The following DNAJC11 variants were observed in gnomAD, a reference collection of about 807,000 sequenced individuals.
The protein encoded by DNAJC11 is dnaJ homolog subfamily C member 11.
DNAJC11 carries 15 observed loss-of-function variants against 78.6 expected under a neutral mutation model. That is an observed-to-expected ratio of 0.19 (90% CI 0.13 to 0.29). The LOEUF is 0.29. DNAJC11 is among the 10% of genes least tolerant of loss of function. DNAJC11 has a pLI of 1.00. For synonymous variants in DNAJC11, 292 were observed against 272.1 expected (o/e 1.07, Z -0.72); for missense variants, 547 against 709.6 (o/e 0.77, Z 2.60).
chr1:6,637,161 G>GT (rs774661785), intron 14 of DNAJC11, 37 bp downstream of exon 14: 1 of 1,612,986 alleles, frequency 6.2e-7, no homozygotes, highest in South Asian at 1.1e-5. Context: ...GTTCAAATCT[G>GT]TGAGCACATA....
At chr1:6,694,073 T>C (rs1247193703) in intron 1 of DNAJC11, among the ~76,000 whole-genome samples, 1 of 151,960 alleles carries the variant, frequency 6.6e-6, no homozygotes, top group African/African-American at 2.4e-5. Flanking sequence ...TGACCTCAAG[T>C]GATCCGCTGG....
intron 4 of DNAJC11, among the ~76,000 whole-genome samples, chr1:6,658,175 G>A (rs947582325): frequency 1.3e-5 from 2 of 152,118 alleles, no homozygotes; most frequent in Non-Finnish European, 2.9e-5. Flanking sequence ...TGAGGGCTCC[G>A]GGATGCCACT....
At chr1:6,643,674 T>G (rs1641919931) in intron 10 of DNAJC11, among the ~76,000 whole-genome samples, 1 of 151,982 alleles carries the variant, frequency 6.6e-6, no homozygotes, top group African/African-American at 2.4e-5. Context: ...GTGAGAGGGA[T>G]GAACCGATAT....
intron 10 of DNAJC11, among the ~76,000 whole-genome samples, chr1:6,644,156 A>G (rs1641929627): frequency 6.7e-6 from 1 of 149,614 alleles, no homozygotes; most frequent in Admixed American, 6.7e-5. Context: ...TTTGAGACGG[A>G]GTCTCACTGT....
At chr1:6,666,121 T>C (rs993142594) in intron 4 of DNAJC11, among the ~76,000 whole-genome samples, 26 of 152,206 alleles carry the variant, frequency 1.7e-4, no homozygotes, top group Non-Finnish European at 3.4e-4. Context: ...TTTTCAAATA[T>C]ACACTTTTTT....
In DNAJC11 at chr1:6,635,019, G is replaced by GAGTT; in HGVS notation, c.*652_*655dup. 1 of 447,410 alleles carries GAGTT rather than the reference G, an allele frequency of 2.2e-6. No individual in the cohort carries two copies. Among genetic ancestry groups the GAGTT allele is most frequent in the Non-Finnish European group, 3.5e-6 (1 of 281,766 alleles). The allele number at this position is 447,410 out of a possible 1,614,324, so 27.7% of individuals were successfully genotyped here. On this transcript the variant is annotated 3_prime_UTR_variant, in exon 16 of 16. Coordinates refer to ENST00000377577, the MANE Select transcript of DNAJC11 (RefSeq NM_018198.4). ...TGTCAGGGCTAGGCCCTGGGATCGG[G>GAGTT]AGTTACACTACCCTGTCCCAAGCCG...
At chr1:6,643,098 G>A (rs968508162) in intron 10 of DNAJC11, among the ~76,000 whole-genome samples, 12 of 152,144 alleles carry the variant, frequency 7.9e-5, no homozygotes, top group African/African-American at 2.9e-4. Flanking sequence ...CGGCCACCGC[G>A]ACAGCAGGTG....
At chr1:6,698,617 T>C (rs1642877546) in intron 1 of DNAJC11, among the ~76,000 whole-genome samples, 1 of 131,354 alleles carries the variant, frequency 7.6e-6, no homozygotes, top group African/African-American at 3.0e-5. Context: ...CTTCACTCAT[T>C]GGGAGAAGTA....
chr1:6,690,241 A>G (rs112033256), intron 1 of DNAJC11, among the ~76,000 whole-genome samples: 161 of 152,376 alleles, frequency 1.1e-3, no homozygotes, highest in African/African-American at 3.6e-3. Context: ...TCCAAATTAT[A>G]TAAGTAACCA....
chr1:6,645,760 C>A lies in DNAJC11; in HGVS notation c.894+29G>T, dbSNP rs1238698611. On this transcript the variant is annotated intron_variant, in intron 8 of 15. Coordinates refer to ENST00000377577, the MANE Select transcript of DNAJC11 (RefSeq NM_018198.4). This position sits in a 1 kb window ranked among gnomAD's most constrained non-coding sequence, Gnocchi z 4.1. Reference sequence around the variant, plus strand: ...AGGAGGGGTCCTCCCAGAGCTCTGTCTGCAGGAGATGATGGCTGCTCGGCT... The same window carrying A: ...AGGAGGGGTCCTCCCAGAGCTCTGTATGCAGGAGATGATGGCTGCTCGGCT... 2 of 1,610,760 alleles carry A rather than the reference C, an allele frequency of 1.2e-6. No homozygotes were observed. Among genetic ancestry groups the A allele is most frequent in the South Asian group, 1.1e-5 (1 of 90,840 alleles).
At chr1:6,636,083 G>A (rs1327524545) in intron 15 of DNAJC11, 34 bp downstream of exon 15, 8 of 1,599,798 alleles carry the variant, frequency 5.0e-6, no homozygotes, top group African/African-American at 1.3e-5. Flanking sequence ...CCCCGCCCCC[G>A]TTAGCTGGTG....
At chr1:6,668,419 T>A (rs1642325202) in intron 3 of DNAJC11, among the ~76,000 whole-genome samples, 1 of 152,014 alleles carries the variant, frequency 6.6e-6, no homozygotes, top group Non-Finnish European at 1.5e-5. Context: ...GATTACAGGC[T>A]TGAGCCACTG....
At chr1:6,647,200 G>A (rs1282859348) in intron 7 of DNAJC11, among the ~76,000 whole-genome samples, 2 of 149,926 alleles carry the variant, frequency 1.3e-5, no homozygotes, top group African/African-American at 4.9e-5. Flanking sequence ...TCCTGCCTCA[G>A]CTTCCTGGGT....
intron 3 of DNAJC11, among the ~76,000 whole-genome samples, chr1:6,669,177 ACT>A (rs1357853575): frequency 6.8e-6 from 1 of 146,198 alleles, no homozygotes; most frequent in Non-Finnish European, 1.5e-5. Context: ...ACAGAGCAAG[ACT>A]CTCTCTTAAA....
At chr1:6,685,967 G>A (rs530770476) in intron 1 of DNAJC11, among the ~76,000 whole-genome samples, 1 of 152,300 alleles carries the variant, frequency 6.6e-6, no homozygotes, top group African/African-American at 2.4e-5. Context: ...TTCCTTGACT[G>A]TGCTATCGTT....
chr1:6,673,444 G>T (rs1443294617), intron 3 of DNAJC11, among the ~76,000 whole-genome samples: 1 of 152,092 alleles, frequency 6.6e-6, no homozygotes, highest in South Asian at 2.1e-4. Context: ...CAGTTTCCCT[G>T]CTATAAAATG....
chr1:6,671,885 A>T (rs1333174716), intron 3 of DNAJC11, among the ~76,000 whole-genome samples: 8 of 151,710 alleles, frequency 5.3e-5, no homozygotes, highest in Non-Finnish European at 5.9e-5. Context: ...CCTAGACTGG[A>T]GTGCAGCGAT....
intron 1 of DNAJC11, 23 bp from the exon 2 acceptor site, chr1:6,681,060 A>T (rs1468235239): frequency 6.3e-7 from 1 of 1,589,210 alleles, no homozygotes; most frequent in Non-Finnish European, 8.6e-7. Flanking sequence ...AAATTCAATT[A>T]GAGAACAATC....
chr1:6,674,194 A>T (rs1034722700), intron 3 of DNAJC11, among the ~76,000 whole-genome samples: 2 of 152,142 alleles, frequency 1.3e-5, no homozygotes, highest in African/African-American at 4.8e-5. Context: ...GGCTGGTTTT[A>T]TAAGTTGGGA....
Sources: gnomAD v4.1 joint callset for allele counts (sites outside exome capture counted in the v4.1 genomes callset) on GRCh38, gnomAD v4.1.1 for gene constraint, Gnocchi (gnomAD v3.1) non-coding constraint, MANE v1.5 for transcripts, NCBI Gene and HGNC (gene_info 2026-07-23, HGNC 2026-07-21) for gene names.